Variants in ITGBL1 observed in about 807,000 individuals in gnomAD.
The protein encoded by ITGBL1 is integrin beta-like protein 1.
Under a neutral mutation model 68.5 loss-of-function variants are expected in ITGBL1, and 51 were observed. That is an observed-to-expected ratio of 0.74 (90% CI 0.59 to 0.94). ITGBL1 has a LOEUF of 0.94. Ranked by LOEUF, ITGBL1 falls within the 40% of genes least tolerant of loss-of-function variation. The pLI is 0.00. For synonymous variants in ITGBL1, 209 were observed against 227.3 expected (o/e 0.92, Z 0.72); for missense variants, 649 against 647.4 (o/e 1.00, Z -0.03).
At chr13:101,663,454 T>C (rs1180573287) in intron 7 of ITGBL1, among the ~76,000 whole-genome samples, 1 of 152,158 alleles carries the variant, frequency 6.6e-6, no homozygotes, top group Non-Finnish European at 1.5e-5. Flanking sequence ...ATTAAAACTG[T>C]CATCAAAATG....
At chr13:101,495,934 T>C (rs967159061) in intron 2 of ITGBL1, among the ~76,000 whole-genome samples, 1 of 152,178 alleles carries the variant, frequency 6.6e-6, no homozygotes, top group African/African-American at 2.4e-5. Context: ...ATATCTTACA[T>C]TGTATATTTC....
intron 2 of ITGBL1, among the ~76,000 whole-genome samples, chr13:101,495,267 T>A (rs1446973496): frequency 6.6e-6 from 1 of 152,166 alleles, no homozygotes; most frequent in East Asian, 1.9e-4. Flanking sequence ...CTTAGAAATG[T>A]CTGATGTGGA....
intron 7 of ITGBL1, among the ~76,000 whole-genome samples, chr13:101,667,257 A>G (rs1260654850): frequency 6.6e-6 from 1 of 152,206 alleles, no homozygotes; most frequent in Non-Finnish European, 1.5e-5. Context: ...GAAAAGTGCA[A>G]CTAGAGGGCT....
downstream of ITGBL1, chr13:101,719,920 C>CAAAG (rs2034868057): frequency 2.0e-5 from 3 of 152,180 alleles, no homozygotes; most frequent in South Asian, 2.1e-4. Flanking sequence ...GAGGTATCAT[C>CAAAG]AAAGAGCTAA....
chr13:101,471,550 G>GTGTA (rs2048460518), intron 2 of ITGBL1, among the ~76,000 whole-genome samples: 1 of 133,148 alleles, frequency 7.5e-6, no homozygotes, highest in South Asian at 2.4e-4. Context: ...GTGTGTGTGT[G>GTGTA]TGTGTGTGTG....
chr13:101,617,393 C>T (rs913278315), intron 7 of ITGBL1, among the ~76,000 whole-genome samples: 1 of 151,996 alleles, frequency 6.6e-6, no homozygotes, highest in African/African-American at 2.4e-5. Context: ...CTGTTTTACT[C>T]TCAGAAGACA....
intron 2 of ITGBL1, among the ~76,000 whole-genome samples, chr13:101,527,900 T>A (rs1038421728): frequency 5.9e-5 from 9 of 152,032 alleles, no homozygotes; most frequent in African/African-American, 1.9e-4. Context: ...AGAACATTTA[T>A]ATATTCTTGA....
At chr13:101,590,886 A>G (rs542211550) in intron 6 of ITGBL1, among the ~76,000 whole-genome samples, 1 of 152,210 alleles carries the variant, frequency 6.6e-6, no homozygotes, top group South Asian at 2.1e-4. Context: ...GGCTGGAAAT[A>G]AAGAAAGATA....
chr13:101,709,630 G>A (rs947904067), intron 9 of ITGBL1, among the ~76,000 whole-genome samples: 10 of 152,138 alleles, frequency 6.6e-5, no homozygotes, highest in African/African-American at 2.2e-4. Flanking sequence ...GATAAGAATA[G>A]AAGCTTTTCA....
intron 6 of ITGBL1, among the ~76,000 whole-genome samples, chr13:101,583,694 A>G (rs928519548): frequency 4.6e-5 from 7 of 152,212 alleles, no homozygotes; most frequent in African/African-American, 1.7e-4. Context: ...GTAATGAATA[A>G]AAAATAAAAA....
intron 3 of ITGBL1, among the ~76,000 whole-genome samples, chr13:101,573,236 C>G (rs892187642): frequency 2.0e-5 from 3 of 152,046 alleles, no homozygotes; most frequent in Non-Finnish European, 4.4e-5. Flanking sequence ...TAAATTATAG[C>G]ATTAGATTTC....
At position 101,715,980 on chromosome 13, in the gene ITGBL1, G is replaced by A. The variant is rs2034703658; in HGVS notation, c.*326G>A. On this transcript the variant is annotated 3_prime_UTR_variant, in exon 11 of 11. Coordinates refer to ENST00000376180, the MANE Select transcript of ITGBL1 (RefSeq NM_004791.3). Reference sequence around the variant, plus strand: ...GGGTCGGGTAGGAAGGTATGCTGCAGACATTTGGTGGGTAGAGGCCAGGGA... The same window carrying A: ...GGGTCGGGTAGGAAGGTATGCTGCAAACATTTGGTGGGTAGAGGCCAGGGA... 3.6e-6 allele frequency: 1 copy of A among 280,726 alleles called. No individual in the cohort carries two copies. The highest frequency in any genetic ancestry group is 3.9e-5 in the South Asian group (1 of 25,346). The allele number at this position is 280,726 out of a possible 1,614,324, so 17.4% of individuals were successfully genotyped here.
chr13:101,598,265 C>G lies in ITGBL1; in HGVS notation c.981C>G (p.Cys327Trp). ...CAGCTGAGGAGAGCATCAGGAAGTG[C>G]CAGGGAAGCTCGGATCTGCCTTGCT... ...TLSAEESIRK[C>W]QGSSDLPCSG... The change falls in exon 7 of 11, where the codon TGC becomes TGG. Residue 327 changes from cysteine (C) to tryptophan (W), a missense_variant. Cys to Trp is a radical substitution (Grantham distance 215). Transcript: ENST00000376180. 1 of 1,613,088 alleles carries G rather than the reference C, an allele frequency of 6.2e-7. No homozygotes were observed.
chr13:101,693,612 A>ATCTGTCTGTCTG (rs201318111), intron 8 of ITGBL1, among the ~76,000 whole-genome samples: 1 of 137,900 alleles, frequency 7.3e-6, no homozygotes, highest in East Asian at 2.2e-4. Flanking sequence ...CATCCATCCT[A>ATCTGTCTGTCTG]TCTGTCTGTC....
rs939680124 is a variant in ITGBL1, at chr13:101,606,646, C to T, written c.1015+8347C>T. Among the ~76,000 whole-genome samples the T allele has an allele frequency of 2.0e-5, 3 of 151,942 alleles. No homozygotes were observed. The South Asian group carries it at 6.2e-4, about 31-fold the overall frequency. ...AAAGTTAATTTGCATCACATCTGAG[C>T]AGAAGCTATAAGAAGCAGTGAAAAA... is the stretch of plus-strand genomic sequence containing the variant. On this transcript the variant is annotated intron_variant, in intron 7 of 10. Transcript: ENST00000376180.
Position 101,671,734 on chromosome 13 carries a change from G to A in ITGBL1, c.1016-20851G>A, listed in dbSNP as rs183858985. Among the ~76,000 whole-genome samples, 7 of 151,930 alleles carry A rather than the reference G, an allele frequency of 4.6e-5. No individual in the cohort carries two copies. In the South Asian group the frequency reaches 6.2e-4, roughly 14 times the overall value. ...ATTACAGGCGTGAGCCACCGCGCCCGGCCAAAAGTATACCTTTGTAAACTA... is the reference window on the plus strand; with the variant it reads ...ATTACAGGCGTGAGCCACCGCGCCCAGCCAAAAGTATACCTTTGTAAACTA... On this transcript the variant is annotated intron_variant, in intron 7 of 10. Transcript: ENST00000376180.
At chr13:101,582,215 A>G (rs181709958) in intron 5 of ITGBL1, among the ~76,000 whole-genome samples, 17 of 152,092 alleles carry the variant, frequency 1.1e-4, no homozygotes, top group African/African-American at 4.1e-4. Context: ...TACTTGTTTC[A>G]GCTTTGTCAG....
At chr13:101,603,870 GTTATC>G (rs939271796) in intron 7 of ITGBL1, among the ~76,000 whole-genome samples, 2 of 151,798 alleles carry the variant, frequency 1.3e-5, no homozygotes, top group African/African-American at 4.8e-5. Flanking sequence ...GATTTTTACT[GTTATC>G]TTAAAGTGGT....
chr13:101,649,803 A>G (rs1438125966), intron 7 of ITGBL1, among the ~76,000 whole-genome samples: 4 of 152,188 alleles, frequency 2.6e-5, no homozygotes, highest in Non-Finnish European at 5.9e-5. Context: ...CTTAAAGTTT[A>G]TTAAGACTTT....
Sources: gnomAD v4.1 joint callset for allele counts (sites outside exome capture counted in the v4.1 genomes callset) on GRCh38, gnomAD v4.1.1 for gene constraint, MANE v1.5 for transcripts, NCBI Gene and HGNC (gene_info 2026-07-23, HGNC 2026-07-21) for gene names.